CDC40: variants seen among roughly 807,000 people sequenced by gnomAD.
CDC40 encodes pre-mRNA-processing factor 17.
CDC40 carries 27 observed loss-of-function variants against 80.6 expected under a neutral mutation model. The observed-to-expected ratio is 0.33, with a 90% confidence interval of 0.25 to 0.46. CDC40 has a LOEUF of 0.46. Among genes scored for constraint, CDC40 ranks in the 20% least tolerant of loss-of-function variants. The pLI, the probability that CDC40 is intolerant of heterozygous loss-of-function variation, is 1.00. For synonymous variants in CDC40, 221 were observed against 232.6 expected (o/e 0.95, Z 0.45); for missense variants, 486 against 694.1 (o/e 0.70, Z 3.37).
chr6:110,184,230 C>T (rs1777236373), intron 1 of CDC40, among the ~76,000 whole-genome samples: 1 of 152,104 alleles, frequency 6.6e-6, no homozygotes, highest in African/African-American at 2.4e-5. Flanking sequence ...TTTTTGTTGG[C>T]TCTTCTTGGC....
chr6:110,226,408 A>G (rs1223176765), intron 13 of CDC40, among the ~76,000 whole-genome samples, 165 bp downstream of exon 13: 5 of 152,226 alleles, frequency 3.3e-5, no homozygotes, highest in Admixed American at 6.5e-5. Context: ...TGGTTTTCAT[A>G]TGCAAGTCAC....
At position 110,180,641 on chromosome 6, in the gene CDC40, C is replaced by T. The variant is rs755848224; in HGVS notation, c.189+8C>T. 1.2e-6 allele frequency: 2 copies of T among 1,603,644 alleles called. No individual in the cohort carries two copies. The highest frequency in any genetic ancestry group is 1.7e-6 in the Non-Finnish European group (2 of 1,170,908). On this transcript the variant is annotated splice_region_variant and intron_variant, in intron 1 of 14. Coordinates refer to ENST00000307731, the MANE Select transcript of CDC40 (RefSeq NM_015891.3). ...CCGGAGGTGGCAGTTAAGGTAAGCACTTTTGCTACTAATGCAGTGTGGGAA... is the reference window on the plus strand; with the variant it reads ...CCGGAGGTGGCAGTTAAGGTAAGCATTTTTGCTACTAATGCAGTGTGGGAA...
chr6:110,186,772 A>T (rs1777276252), intron 1 of CDC40, among the ~76,000 whole-genome samples: 1 of 151,922 alleles, frequency 6.6e-6, no homozygotes, highest in South Asian at 2.1e-4. Context: ...ACATGTGTAG[A>T]TTTCTTTTTA....
At chr6:110,221,002 C>T (rs1584082235) in intron 12 of CDC40, among the ~76,000 whole-genome samples, 1 of 151,980 alleles carries the variant, frequency 6.6e-6, no homozygotes, top group Non-Finnish European at 1.5e-5. Flanking sequence ...GACTCTGGTA[C>T]AAATGTTTTA....
intron 1 of CDC40, among the ~76,000 whole-genome samples, chr6:110,185,702 C>T (rs2114646978): frequency 6.6e-6 from 1 of 152,264 alleles, no homozygotes; most frequent in Non-Finnish European, 1.5e-5. Context: ...AAGCTAGAAA[C>T]TAACCACAAA....
Position 110,193,043 on chromosome 6 carries a change from T to C in CDC40, c.190-139T>C, listed in dbSNP as rs60044566. On this transcript the variant is annotated intron_variant, in intron 1 of 14. Transcript: ENST00000307731. ...TTTAACCTCTAACTGTATACATTAA[T>C]TTTATTAGAATTATTAATCATATGA... 1.0e-2 allele frequency: 5,295 copies of C among 530,344 alleles called. 235 individuals carry two copies. Among genetic ancestry groups the C allele is most frequent in the African/African-American group, 0.091 (4,770 of 52,210 alleles). 32.9% of individuals were successfully genotyped at this position (530,344 alleles called of 1,614,324 possible). A position where few individuals can be genotyped will look rare whatever the true frequency, so the allele number is the denominator to read the frequency against.
chr6:110,213,423 T>A (rs56092341), intron 8 of CDC40, among the ~76,000 whole-genome samples: 9,415 of 150,258 alleles, frequency 0.063, 372 homozygotes, highest in African/African-American at 0.12. Context: ...GGAGTCTTGC[T>A]GTGTTGCCCA....
At chr6:110,216,618 A>G (rs1274637220) in intron 9 of CDC40, among the ~76,000 whole-genome samples, 1 of 152,176 alleles carries the variant, frequency 6.6e-6, no homozygotes, top group Non-Finnish European at 1.5e-5. Context: ...AAGGATGCCT[A>G]ATTACCATGA....
In CDC40 at chr6:110,207,605, CATTTG is replaced by C; in HGVS notation, c.490+19_490+23del. ...AAAAATCAAGGTAATTTATTTGAAA[CATTTG>C]ATATCATATATACCTACACATCTAT... On this transcript the variant is annotated intron_variant, in intron 4 of 14. Transcript: ENST00000307731. 1 of 1,256,984 alleles carries C rather than the reference CATTTG, an allele frequency of 8.0e-7. No homozygotes were observed. The highest frequency in any genetic ancestry group is 1.5e-5 in the African/African-American group (1 of 67,894). The allele number at this position is 1,256,984 out of a possible 1,614,324, so 77.9% of individuals were successfully genotyped here.
At chr6:110,229,398 C>G (rs1351802566) in intron 14 of CDC40, among the ~76,000 whole-genome samples, 2 of 152,168 alleles carry the variant, frequency 1.3e-5, no homozygotes, top group Non-Finnish European at 1.5e-5. Flanking sequence ...AACCTCAAAT[C>G]CAGCTTTTGA....
chr6:110,198,530 G>A lies in CDC40; in HGVS notation c.277-3028G>A, dbSNP rs57104292. Among the ~76,000 whole-genome samples, 404 of 152,164 alleles carry A rather than the reference G, an allele frequency of 2.7e-3. 1 individual carries two copies. The highest frequency in any genetic ancestry group is 9.4e-3 in the African/African-American group (392 of 41,534). Reference sequence around the variant, plus strand: ...GAATGCTGAGAAATTCAAGTCCTTTGCCAATTTTTAATTGAGTTATTTATT... The same window carrying A: ...GAATGCTGAGAAATTCAAGTCCTTTACCAATTTTTAATTGAGTTATTTATT... On this transcript the variant is annotated intron_variant, in intron 2 of 14. Transcript: ENST00000307731.
chr6:110,213,612 T>C (rs1777665050), intron 8 of CDC40, among the ~76,000 whole-genome samples: 1 of 152,202 alleles, frequency 6.6e-6, no homozygotes, highest in Non-Finnish European at 1.5e-5. Flanking sequence ...TTTGGACATA[T>C]AAATATTTAA....
intron 1 of CDC40, among the ~76,000 whole-genome samples, chr6:110,185,466 TCTCCTGACCTCGTGATCCGCCCGC>T (rs1366955472): frequency 2.0e-5 from 3 of 151,490 alleles, no homozygotes; most frequent in Admixed American, 2.0e-4. Flanking sequence ...ATGGTCTCGA[TCTCCTGACCTCGTGATCCGCCCGC>T]CTCGGCCTCC....
chr6:110,187,439 T>A (rs1409564000), intron 1 of CDC40, among the ~76,000 whole-genome samples: 1 of 152,228 alleles, frequency 6.6e-6, no homozygotes, highest in Non-Finnish European at 1.5e-5. Context: ...AGTTTTTTCA[T>A]GTGTGGTATT....
intron 12 of CDC40, among the ~76,000 whole-genome samples, chr6:110,220,729 G>A (rs1461900715): frequency 5.9e-5 from 9 of 152,328 alleles, no homozygotes; most frequent in South Asian, 2.1e-4. Flanking sequence ...ACAGGCGTGA[G>A]CCACTGCACC....
intron 8 of CDC40, among the ~76,000 whole-genome samples, chr6:110,214,082 T>TA (rs1189223988): frequency 1.3e-5 from 2 of 152,272 alleles, no homozygotes; most frequent in East Asian, 1.9e-4. Flanking sequence ...ATATTAACAA[T>TA]AAAAAAGGCC....
chr6:110,227,739 T>G (rs776835728), intron 13 of CDC40, among the ~76,000 whole-genome samples: 1 of 152,238 alleles, frequency 6.6e-6, no homozygotes, highest in Non-Finnish European at 1.5e-5. Context: ...ACAAAGCATT[T>G]ACGTTGCATT....
In CDC40 at chr6:110,217,738, C is replaced by T; in HGVS notation, c.1025C>T (p.Thr342Ile). The change falls in exon 10 of 15, where the codon ACT (threonine) becomes ATT (isoleucine). Residue 342 changes from threonine (T) to isoleucine (I), a missense_variant. Thr to Ile is a moderately conservative substitution (Grantham distance 89). Coordinates refer to ENST00000307731, the MANE Select transcript of CDC40 (RefSeq NM_015891.3). Reference sequence around the variant, plus strand: ...GCTGTTAGGGATATCTGCTTCAATACTGCAGGAACACAGTTCCTCAGTGCA... The same window carrying T: ...GCTGTTAGGGATATCTGCTTCAATATTGCAGGAACACAGTTCCTCAGTGCA... ...SKAVRDICFNTAGTQFLSAAY... is the reference protein window; with the variant it reads ...SKAVRDICFNIAGTQFLSAAY... 1 of 1,606,324 alleles carries T rather than the reference C, an allele frequency of 6.2e-7. No individual in the cohort carries two copies. Among genetic ancestry groups the T allele is most frequent in the Non-Finnish European group, 8.5e-7 (1 of 1,173,018 alleles).
chr6:110,219,984 T>A, intron 12 of CDC40, 115 bp downstream of exon 12: 1 of 1,070,822 alleles, frequency 9.3e-7, no homozygotes, highest in South Asian at 1.7e-5. Context: ...GCAACTGTGA[T>A]CCTGGCTTGC....
Sources: allele counts gnomAD v4.1 joint callset (sites outside exome capture counted in the v4.1 genomes callset), GRCh38; gene constraint gnomAD v4.1.1; transcripts MANE v1.5; gene names NCBI Gene and HGNC (gene_info 2026-07-23, HGNC 2026-07-21).